The following DNAJC5B variants were observed in gnomAD, a reference collection of about 807,000 sequenced individuals.
DNAJC5B encodes dnaJ homolog subfamily C member 5B.
DNAJC5B carries 23 observed loss-of-function variants against 24.7 expected under a neutral mutation model. The ratio of observed to expected loss-of-function variants is 0.93; its 90% CI spans 0.67 to 1.32. DNAJC5B has a LOEUF of 1.32. Ranked by LOEUF, DNAJC5B falls within the 40% of genes most tolerant of loss-of-function variation. The probability of loss-of-function intolerance (pLI) is 0.00; values close to 1 mark genes in which losing one functional copy is unlikely to be tolerated. For missense variants in DNAJC5B, 238 were observed against 240.8 expected (o/e 0.99, Z 0.08); for synonymous variants, 101 against 90.1 (o/e 1.12, Z -0.68).
intron 3 of DNAJC5B, among the ~76,000 whole-genome samples, chr8:66,059,719 A>C (rs1365163988): frequency 1.3e-5 from 2 of 152,118 alleles, no homozygotes; most frequent in Admixed American, 1.3e-4. Flanking sequence ...ATCTCCATGT[A>C]GTGGCATTGT....
chr8:66,075,106 G>A (rs532511173), intron 3 of DNAJC5B, among the ~76,000 whole-genome samples: 6 of 151,948 alleles, frequency 3.9e-5, no homozygotes, highest in South Asian at 4.2e-4. Context: ...TCTCGCTGTC[G>A]CCCAGGCTGG....
chr8:66,099,950 A>G lies in DNAJC5B; in HGVS notation c.519A>G (p.Pro173=), dbSNP rs760503026. ...KSDMEKDVDF[P]VFLQPTNANE... ...GTTTATTTTTAGATGTGGACTTTCC[A>G]GTTTTTCTCCAGCCTACAAATGCAA... is the stretch of plus-strand genomic sequence containing the variant. Residue 173 remains proline (P), a synonymous_variant, in exon 6 of 6, where the codon CCA becomes CCG. Transcript: ENST00000276570. 1 of 1,613,930 alleles carries G rather than the reference A, an allele frequency of 6.2e-7. No individual in the cohort carries two copies. The highest frequency in any genetic ancestry group is 8.5e-7 in the Non-Finnish European group (1 of 1,179,866).
chr8:66,095,658 GACACAC>G (rs10566337), intron 5 of DNAJC5B, among the ~76,000 whole-genome samples: 4,332 of 146,716 alleles, frequency 0.03, 191 homozygotes, highest in African/African-American at 0.096. Flanking sequence ...ACTTTAGCTT[GACACAC>G]ACACACACAC....
upstream of DNAJC5B, among the ~76,000 whole-genome samples, chr8:66,021,237 C>A (rs545983522): frequency 1.1e-4 from 16 of 149,728 alleles, no homozygotes; most frequent in African/African-American, 3.9e-4. Context: ...TCCTCATCTG[C>A]AAAAAAAAAG....
intron 2 of DNAJC5B, among the ~76,000 whole-genome samples, chr8:66,043,912 T>C (rs1358303562): frequency 1.3e-5 from 2 of 150,058 alleles, no homozygotes; most frequent in Non-Finnish European, 3.0e-5. Context: ...CTGCAACCTC[T>C]GCCTCCCAGG....
intron 3 of DNAJC5B, among the ~76,000 whole-genome samples, chr8:66,069,035 C>T (rs1160499448): frequency 1.3e-5 from 2 of 151,366 alleles, no homozygotes; most frequent in African/African-American, 4.9e-5. Context: ...TTAGAGAAAA[C>T]TGTGAATTAA....
intron 5 of DNAJC5B, among the ~76,000 whole-genome samples, chr8:66,085,162 G>A (rs1032298155): frequency 6.6e-6 from 1 of 152,146 alleles, no homozygotes. Context: ...GGCCAGGGCC[G>A]GGCACAGTGG....
chr8:66,068,600 A>T (rs1208311591), intron 3 of DNAJC5B, among the ~76,000 whole-genome samples: 2 of 149,274 alleles, frequency 1.3e-5, no homozygotes, highest in African/African-American at 2.5e-5. Context: ...AAGATAAAAA[A>T]CATAGAAGAT....
rs867579707 is a variant in DNAJC5B at position 66,075,257 on chromosome 8, G to A, written c.120-1403G>A. On this transcript the variant is annotated intron_variant, in intron 3 of 5. Transcript: ENST00000276570. ...AATTAGTAGAGATGGGCATGTTGAC[G>A]AGGCTGGTCTAAAACTCCTGACCTC... is the stretch of plus-strand genomic sequence containing the variant. 7.9e-5 allele frequency among the ~76,000 whole-genome samples: 12 copies of A among 152,078 alleles called. No individual in the cohort carries two copies. The South Asian group carries it at 1.5e-3, about 18-fold the overall frequency.
At chr8:66,028,049 A>T (rs1806283397) in intron 1 of DNAJC5B, among the ~76,000 whole-genome samples, 1 of 152,228 alleles carries the variant, frequency 6.6e-6, no homozygotes. Flanking sequence ...AAATGTGCGC[A>T]CTGTGAACTT....
Position 66,027,090 on chromosome 8 carries a change from C to T in DNAJC5B, c.-142+5385C>T, listed in dbSNP as rs113985114. ...CGTCCTCCTCCTCTTAATTGTGTCT[C>T]CTACTGAAAGCTACAAGTTGTGGTC... is the stretch of plus-strand genomic sequence containing the variant. On this transcript the variant is annotated intron_variant, in intron 1 of 5. Coordinates refer to ENST00000276570, the MANE Select transcript of DNAJC5B (RefSeq NM_033105.6). Among the ~76,000 whole-genome samples the T allele has an allele frequency of 3.8e-3, 583 of 152,290 alleles. 3 individuals are homozygous for T. Among genetic ancestry groups the T allele is most frequent in the African/African-American group, 0.013 (537 of 41,550 alleles).
chr8:66,071,231 G>T (rs1229759179), intron 3 of DNAJC5B, among the ~76,000 whole-genome samples: 1 of 152,170 alleles, frequency 6.6e-6, no homozygotes, highest in Non-Finnish European at 1.5e-5. Context: ...GCTCTGCACA[G>T]CAAAAGAAAC....
At chr8:66,034,383 C>G (rs1347754393) in intron 1 of DNAJC5B, among the ~76,000 whole-genome samples, 1 of 152,010 alleles carries the variant, frequency 6.6e-6, no homozygotes, top group East Asian at 1.9e-4. Flanking sequence ...GATGGACATA[C>G]AGTCCAATGT....
intron 1 of DNAJC5B, among the ~76,000 whole-genome samples, chr8:66,026,577 C>G (rs1279218198): frequency 1.3e-5 from 2 of 152,238 alleles, no homozygotes; most frequent in Non-Finnish European, 2.9e-5. Flanking sequence ...CACTGGATCT[C>G]CGACACGCGC....
chr8:66,100,169 A>T lies in DNAJC5B; in HGVS notation c.*138A>T. On this transcript the variant is annotated 3_prime_UTR_variant, in exon 6 of 6. Coordinates refer to ENST00000276570, the MANE Select transcript of DNAJC5B (RefSeq NM_033105.6). Reference sequence around the variant, plus strand: ...TTTATTTTTGGGTTAGGAAAACATGATTGCTATATAATTTTCTCAGTATGC... The same window carrying T: ...TTTATTTTTGGGTTAGGAAAACATGTTTGCTATATAATTTTCTCAGTATGC... 1 of 664,742 alleles carries T rather than the reference A, an allele frequency of 1.5e-6. No individual in the cohort carries two copies. The highest frequency in any genetic ancestry group is 3.1e-5 in the Admixed American group (1 of 32,708). 41.2% of individuals were successfully genotyped at this position (664,742 alleles called of 1,614,324 possible).
chr8:66,075,378 G>C (rs117453245), intron 3 of DNAJC5B, among the ~76,000 whole-genome samples: 216 of 152,216 alleles, frequency 1.4e-3, no homozygotes, highest in South Asian at 2.7e-3. Flanking sequence ...GGAACCATGG[G>C]GGGGGAAATG....
chr8:66,075,225 C>T (rs1325078644), intron 3 of DNAJC5B, among the ~76,000 whole-genome samples: 1 of 152,112 alleles, frequency 6.6e-6, no homozygotes, highest in Non-Finnish European at 1.5e-5. Flanking sequence ...TGCCACCACA[C>T]CTGGCTAATT....
chr8:66,075,493 T>C (rs1372380837), intron 3 of DNAJC5B, among the ~76,000 whole-genome samples: 3 of 152,222 alleles, frequency 2.0e-5, no homozygotes, highest in African/African-American at 7.2e-5. Context: ...CATTTTATGC[T>C]ATTAGCAAAT....
intron 1 of DNAJC5B, among the ~76,000 whole-genome samples, chr8:66,023,042 T>A (rs944914665): frequency 6.6e-6 from 1 of 152,230 alleles, no homozygotes; most frequent in Admixed American, 6.5e-5. Context: ...CACATGCTGC[T>A]GCAGCCTGTC....
Sources: gnomAD v4.1 joint callset for allele counts (sites outside exome capture counted in the v4.1 genomes callset) on GRCh38, gnomAD v4.1.1 for gene constraint, MANE v1.5 for transcripts, NCBI Gene and HGNC (gene_info 2026-07-23, HGNC 2026-07-21) for gene names.